MGLL: variants seen among roughly 807,000 people sequenced by gnomAD.
The protein encoded by MGLL is monoglyceride lipase.
A neutral mutation model predicts 29.1 loss-of-function variants in MGLL; 7 were observed. That is an observed-to-expected ratio of 0.24 (90% CI 0.14 to 0.45). The LOEUF (loss-of-function observed/expected upper bound fraction) is 0.45. MGLL is among the 20% of genes least tolerant of loss of function. The pLI is 0.99. For synonymous variants in MGLL, 148 were observed against 168.3 expected, an observed-to-expected ratio of 0.88 and a Z score of 0.93; for missense variants, 356 against 413.6, an observed-to-expected ratio of 0.86 and a Z score of 1.21.
intron 6 of MGLL, among the ~76,000 whole-genome samples, chr3:127,699,749 G>A (rs1308663947): frequency 6.6e-6 from 1 of 152,212 alleles, no homozygotes; most frequent in Non-Finnish European, 1.5e-5. Context: ...GGGCACTAGT[G>A]CTCTCAGAAA....
Position 127,761,347 on chromosome 3 carries a change from G to T in MGLL, c.262+20442C>A, listed in dbSNP as rs944068570. The stretch of plus-strand genomic sequence containing the variant: ...TGTCTTGTTAGAGCCACCGTGTTGT[G>T]TTGGGGGTGCTGGCTTAGTTTAGGG... On this transcript the variant is annotated intron_variant, in intron 3 of 7. Coordinates refer to ENST00000265052, the MANE Select transcript of MGLL (RefSeq NM_007283.7). The surrounding 1 kb of genome is among the most constrained non-coding windows in gnomAD (Gnocchi z 4.6). Among the ~76,000 whole-genome samples, 2 of 152,222 alleles carry T rather than the reference G, an allele frequency of 1.3e-5. No individual in the cohort carries two copies. The highest frequency in any genetic ancestry group is 2.4e-5 in the African/African-American group (1 of 41,450).
At chr3:127,718,538 G>C (rs1053249257) in intron 5 of MGLL, among the ~76,000 whole-genome samples, 1 of 152,198 alleles carries the variant, frequency 6.6e-6, no homozygotes, top group Non-Finnish European at 1.5e-5. Context: ...GGTAGGTCCT[G>C]ATGGGGAAGG....
At chr3:127,706,776 G>A (rs939695642) in intron 6 of MGLL, among the ~76,000 whole-genome samples, 3 of 152,236 alleles carry the variant, frequency 2.0e-5, no homozygotes, top group Admixed American at 6.5e-5. Context: ...CGAGTTTGCT[G>A]GAAGGTTCTT....
chr3:127,787,310 G>C (rs2077230447), intron 2 of MGLL, among the ~76,000 whole-genome samples: 1 of 152,206 alleles, frequency 6.6e-6, no homozygotes, highest in African/African-American at 2.4e-5. Context: ...TCTGGACTTG[G>C]CTGGACTTGC....
At chr3:127,730,301 C>T (rs1391769966) in intron 3 of MGLL, among the ~76,000 whole-genome samples, 1 of 152,074 alleles carries the variant, frequency 6.6e-6, no homozygotes, top group Non-Finnish European at 1.5e-5. Context: ...TGTCGTGGTC[C>T]GACGGCCCCC....
chr3:127,707,030 C>T (rs2075616643), intron 6 of MGLL, among the ~76,000 whole-genome samples: 1 of 152,022 alleles, frequency 6.6e-6, no homozygotes, highest in Non-Finnish European at 1.5e-5. Context: ...GCAGAGGAGA[C>T]AAAAAAGGAA....
In MGLL at chr3:127,736,278, A is replaced by C. The variant is rs1019748302; in HGVS notation, c.263-13712T>G. 4.1e-6 allele frequency: 4 copies of C among 985,618 alleles called. No individual in the cohort carries two copies. In the African/African-American group the frequency reaches 5.2e-5, roughly 13 times the overall value. The allele number at this position is 985,618 out of a possible 1,614,324, so 61.1% of individuals were successfully genotyped here. A position where few individuals can be genotyped will look rare whatever the true frequency, so the allele number is the denominator to read the frequency against. ...GACGTTCATTACTCTAGGATGTGAG[A>C]TACTATATTTTTTAACAAGAAGTGA... is the stretch of plus-strand genomic sequence containing the variant. On this transcript the variant is annotated intron_variant, in intron 3 of 7. Transcript: ENST00000265052.
chr3:127,698,700 T>C (rs78518449), intron 6 of MGLL, among the ~76,000 whole-genome samples: 7,447 of 152,240 alleles, frequency 0.049, 224 homozygotes, highest in East Asian at 0.12. Context: ...GGTTGTGATA[T>C]TGTCCTGTCG....
At chr3:127,768,310 T>C (rs2076892540) in intron 3 of MGLL, among the ~76,000 whole-genome samples, 1 of 152,132 alleles carries the variant, frequency 6.6e-6, no homozygotes. Flanking sequence ...AGCCAGAATA[T>C]CCCTGGTACC....
At chr3:127,765,943 T>C (rs927174193) in intron 3 of MGLL, among the ~76,000 whole-genome samples, 3 of 152,212 alleles carry the variant, frequency 2.0e-5, no homozygotes, top group African/African-American at 7.2e-5. Context: ...TGGGGGCTTG[T>C]TGAGCACCTA....
At position 127,821,687 on chromosome 3, in the gene MGLL, G is replaced by A. The variant is rs375239037; in HGVS notation, c.155+7C>T. 1.2e-6 allele frequency: 2 copies of A among 1,613,964 alleles called. No individual in the cohort carries two copies. Among genetic ancestry groups the A allele is most frequent in the Non-Finnish European group, 1.7e-6 (2 of 1,179,962 alleles). ...TCACCTGGGGTGACTTTCTGGGGAA[G>A]ACTTACTTGGGTGTGCCTGTGGGTT... On this transcript the variant is annotated splice_region_variant and intron_variant, in intron 2 of 7. Coordinates refer to ENST00000265052, the MANE Select transcript of MGLL (RefSeq NM_007283.7).
At chr3:127,769,648 C>A (rs910277072) in intron 3 of MGLL, among the ~76,000 whole-genome samples, 3 of 152,202 alleles carry the variant, frequency 2.0e-5, no homozygotes, top group African/African-American at 7.2e-5. Context: ...GGTGGCTTAG[C>A]CCTGAGGGAC....
chr3:127,797,647 A>G (rs1038797213), intron 2 of MGLL, among the ~76,000 whole-genome samples: 1 of 152,164 alleles, frequency 6.6e-6, no homozygotes, highest in Non-Finnish European at 1.5e-5. Flanking sequence ...TTCTTCTGTC[A>G]CCCAGGCTGG....
intron 5 of MGLL, among the ~76,000 whole-genome samples, chr3:127,718,081 A>C (rs556205604): frequency 2.6e-5 from 4 of 152,050 alleles, no homozygotes; most frequent in African/African-American, 9.7e-5. Flanking sequence ...GCTTGTTGAA[A>C]ACCAGCATCC....
rs1010720970 is a variant in MGLL, at chr3:127,781,658, A to AT, written c.262+130dup. 5.5e-5 allele frequency: 50 copies of AT among 907,194 alleles called. No homozygotes were observed. The African/African-American group carries it at 6.9e-4, about 13-fold the overall frequency. 56.2% of individuals were successfully genotyped at this position (907,194 alleles called of 1,614,324 possible). A position where few individuals can be genotyped will look rare whatever the true frequency, so the allele number is the denominator to read the frequency against. On this transcript the variant is annotated intron_variant, in intron 3 of 7. Transcript: ENST00000265052. ...TTTTTTTGTTTGTTTGCATAACTACATTTTTTTACTTTGAAACATCCGTGG... is the reference window on the plus strand; with the variant it reads ...TTTTTTTGTTTGTTTGCATAACTACATTTTTTTTACTTTGAAACATCCGTGG...
intron 4 of MGLL, among the ~76,000 whole-genome samples, chr3:127,721,500 T>C (rs2075921245): frequency 1.5e-5 from 2 of 129,268 alleles, no homozygotes; most frequent in East Asian, 2.2e-4. Flanking sequence ...ACAGGCTTAA[T>C]AGGAGGGTTT....
intron 3 of MGLL, 80 bp from the exon 4 acceptor site, chr3:127,722,646 A>G: frequency 6.3e-7 from 1 of 1,586,114 alleles, no homozygotes; most frequent in Non-Finnish European, 8.7e-7. Context: ...CCTCACTGCA[A>G]TCGCTCTCTC....
chr3:127,822,436 C>A lies in MGLL; in HGVS notation c.-118G>T. On this transcript the variant is annotated 5_prime_UTR_variant, in exon 1 of 8. Transcript: ENST00000265052. ...CAGCAGGAAGGCAGCTCCGAGCCCTCTTCCCGCACCCAGACCCTGCCTTTC... is the reference window on the plus strand; with the variant it reads ...CAGCAGGAAGGCAGCTCCGAGCCCTATTCCCGCACCCAGACCCTGCCTTTC... 1 of 1,062,038 alleles carries A rather than the reference C, an allele frequency of 9.4e-7. No individual in the cohort carries two copies. Among genetic ancestry groups the A allele is most frequent in the Non-Finnish European group, 1.4e-6 (1 of 691,196 alleles). 65.8% of individuals were successfully genotyped at this position (1,062,038 alleles called of 1,614,324 possible). A position where few individuals can be genotyped will look rare whatever the true frequency, so the allele number is the denominator to read the frequency against.
chr3:127,715,365 T>C (rs987560165), intron 5 of MGLL: 1 of 303,882 alleles, frequency 3.3e-6, no homozygotes, highest in African/African-American at 2.2e-5. Flanking sequence ...CATAGTAAGT[T>C]CCAAGCCATA....
Sources: allele counts gnomAD v4.1 joint callset (sites outside exome capture counted in the v4.1 genomes callset), GRCh38; gene constraint gnomAD v4.1.1; non-coding constraint Gnocchi (gnomAD v3.1); transcripts MANE v1.5; gene names NCBI Gene and HGNC (gene_info 2026-07-23, HGNC 2026-07-21).